Variants in CCDC88A observed in about 807,000 individuals in gnomAD.
The protein encoded by CCDC88A is girdin.
In CCDC88A, 54 loss-of-function variants were observed where a neutral mutation model predicts 234.3. The observed-to-expected ratio is 0.23, with a 90% CI of 0.19 to 0.29. CCDC88A has a LOEUF of 0.29. Ranked by LOEUF, CCDC88A falls within the 10% of genes least tolerant of loss-of-function variation. The probability of loss-of-function intolerance (pLI) is 1.00; values close to 1 mark genes in which losing one functional copy is unlikely to be tolerated. For missense variants in CCDC88A, 1,832 were observed against 2,123.4 expected (o/e 0.86, Z 2.70); for synonymous variants, 753 against 737.8 (o/e 1.02, Z -0.33).
At chr2:55,390,376 A>G (rs72927384) in intron 2 of CCDC88A, among the ~76,000 whole-genome samples, 9,846 of 152,244 alleles carry the variant, frequency 0.065, 1,012 homozygotes, top group African/African-American at 0.21. Flanking sequence ...CACTGCTTCA[A>G]CTATTTGCTT....
At chr2:55,333,710 T>G (rs569626079) in intron 15 of CCDC88A, among the ~76,000 whole-genome samples, 2 of 152,120 alleles carry the variant, frequency 1.3e-5, no homozygotes, top group African/African-American at 4.8e-5. Flanking sequence ...TTTATGTATA[T>G]ACAACTTATA....
chr2:55,303,083 T>A lies in CCDC88A; in HGVS notation c.4457A>T (p.Tyr1486Phe). ...PKDKDKMKAC[Y>F]RRSMSMNDLV... ...TAAAGTCTTACACATGGAACGACGG[T>A]AGCAGGCCTTCATTTTGTCTTTATC... The change falls in exon 26 of 33, where the codon TAC (tyrosine) becomes TTC (phenylalanine). Residue 1486 changes from tyrosine to phenylalanine, a missense_variant. Physicochemically the swap from Tyr to Phe is conservative, Grantham distance 22. This residue lies in a region of CCDC88A where 1,282 missense variants were observed against 1,543.6 expected (regional missense o/e 0.83). Transcript: ENST00000436346. 6.5e-7 allele frequency: 1 copy of A among 1,550,156 alleles called. No individual in the cohort carries two copies.
In CCDC88A at chr2:55,289,942, T is replaced by TTTAAAAA; in HGVS notation, c.*1257_*1258insTTTTTAA. The TTTAAAAA allele has an allele frequency of 6.6e-6, 1 of 152,540 alleles. No homozygotes were observed. Among genetic ancestry groups the TTTAAAAA allele is most frequent in the Non-Finnish European group, 1.5e-5 (1 of 67,970 alleles). 9.4% of individuals were successfully genotyped at this position (152,540 alleles called of 1,614,324 possible). ...AGTACACTGTTAAAATTTTAAAAAG[T>TTTAAAAA]CAGTATGTTTCTCATTTCAGACCTT... On this transcript the variant is annotated 3_prime_UTR_variant, in exon 33 of 33. Coordinates refer to ENST00000436346, the MANE Select transcript of CCDC88A (RefSeq NM_001365480.1).
intron 5 of CCDC88A, among the ~76,000 whole-genome samples, chr2:55,365,008 G>C (rs1219553963): frequency 6.6e-6 from 1 of 151,970 alleles, no homozygotes; most frequent in African/African-American, 2.4e-5. Flanking sequence ...AACTTATAAG[G>C]CTCTGATTTA....
rs1673008923 is a variant in CCDC88A, at chr2:55,372,617, G to T, written c.344-107C>A. On this transcript the variant is annotated intron_variant, in intron 4 of 32. Transcript: ENST00000436346. ...ATTATGCACAGTAACTTGAGTGAAG[G>T]ATTCAGTCTAAGCATATGTAGTGGA... 9 of 592,948 alleles carry T rather than the reference G, an allele frequency of 1.5e-5. No individual in the cohort carries two copies. The South Asian group carries it at 2.3e-4, about 15-fold the overall frequency. The allele number at this position is 592,948 out of a possible 1,614,324, so 36.7% of individuals were successfully genotyped here.
In CCDC88A at chr2:55,346,052, C is replaced by A. The variant is rs1574209576; in HGVS notation, c.1041+123G>T. 8 of 644,004 alleles carry A rather than the reference C, an allele frequency of 1.2e-5. No homozygotes were observed. The East Asian group carries it at 1.4e-4, about 11-fold the overall frequency. 39.9% of individuals were successfully genotyped at this position (644,004 alleles called of 1,614,324 possible). A position where few individuals can be genotyped will look rare whatever the true frequency, so the allele number is the denominator to read the frequency against. On this transcript the variant is annotated intron_variant, in intron 10 of 32. Coordinates refer to ENST00000436346, the MANE Select transcript of CCDC88A (RefSeq NM_001365480.1). Reference sequence around the variant, plus strand: ...GCTAATCTATCATAAAATAAACATACCCAAATGTATTTACTGTTTGTTCAC... The same window carrying A: ...GCTAATCTATCATAAAATAAACATAACCAAATGTATTTACTGTTTGTTCAC...
rs1465458737 is a variant in CCDC88A, at chr2:55,289,091, C to T, written c.*2109G>A. ...CAGCCTACTCAGATTCAGTACTTTACACGTTGTTTTCAGCATTTTCTGCTT... is the reference window on the plus strand; with the variant it reads ...CAGCCTACTCAGATTCAGTACTTTATACGTTGTTTTCAGCATTTTCTGCTT... On this transcript the variant is annotated 3_prime_UTR_variant, in exon 33 of 33. Coordinates refer to ENST00000436346, the MANE Select transcript of CCDC88A (RefSeq NM_001365480.1). 2.6e-5 allele frequency: 4 copies of T among 152,620 alleles called. No homozygotes were observed. Among genetic ancestry groups the T allele is most frequent in the Non-Finnish European group, 5.9e-5 (4 of 68,036 alleles). 9.5% of individuals were successfully genotyped at this position (152,620 alleles called of 1,614,324 possible). A position where few individuals can be genotyped will look rare whatever the true frequency, so the allele number is the denominator to read the frequency against.
intron 2 of CCDC88A, chr2:55,399,865 TA>T (rs1678316967): frequency 2.6e-5 from 4 of 152,088 alleles, no homozygotes; most frequent in African/African-American, 9.7e-5. Flanking sequence ...ATTTCTTCTA[TA>T]AAAAGAATGC....
At chr2:55,391,098 T>C (rs996661945) in intron 2 of CCDC88A, among the ~76,000 whole-genome samples, 3 of 152,198 alleles carry the variant, frequency 2.0e-5, no homozygotes, top group Non-Finnish European at 4.4e-5. Flanking sequence ...TAAACAATTC[T>C]CAGAGCTCAC....
chr2:55,396,988 G>A (rs1677715259), intron 2 of CCDC88A, among the ~76,000 whole-genome samples: 1 of 151,428 alleles, frequency 6.6e-6, no homozygotes, highest in East Asian at 1.9e-4. Context: ...GTTTTCACAT[G>A]AGTAATCAAA....
intron 2 of CCDC88A, among the ~76,000 whole-genome samples, chr2:55,409,962 A>G (rs186582605): frequency 6.6e-6 from 1 of 151,664 alleles, no homozygotes; most frequent in Non-Finnish European, 1.5e-5. Flanking sequence ...GCTGATCTTG[A>G]ACTCCTGACC....
At chr2:55,306,865 C>T (rs1471068937) in intron 25 of CCDC88A, among the ~76,000 whole-genome samples, 2 of 152,148 alleles carry the variant, frequency 1.3e-5, no homozygotes, top group Non-Finnish European at 2.9e-5. Flanking sequence ...CATGAGCCAC[C>T]GCGCCTGGCC....
Position 55,334,477 on chromosome 2 carries a change from A to C in CCDC88A, c.2344T>G (p.Leu782Val). The change falls in exon 15 of 33, where the codon TTA (leucine) becomes GTA (valine). Residue 782 changes from leucine to valine, a missense_variant. Leu to Val is a conservative substitution (Grantham distance 32). This residue lies in a region of CCDC88A where 1,282 missense variants were observed against 1,543.6 expected (regional missense o/e 0.83). Coordinates refer to ENST00000436346, the MANE Select transcript of CCDC88A (RefSeq NM_001365480.1). The surrounding 1 kb of genome is among the most constrained non-coding windows in gnomAD (Gnocchi z 6.1). ...TCTAAGTCTTGTAGTTCACTCTCTA[A>C]TTGCTGGATTTTTTTATTGCTGTTC... ...LENSNKKIQQ[L>V]ESELQDLEME... The C allele has an allele frequency of 6.2e-7, 1 of 1,604,954 alleles. No homozygotes were observed. Among genetic ancestry groups the C allele is most frequent in the East Asian group, 2.2e-5 (1 of 44,796 alleles).
In CCDC88A at chr2:55,343,812, T is replaced by G. The variant is rs1397020282; in HGVS notation, c.1189-20A>C. ...TCGTTCCTTTTTTATTGGCAAGGATTAGGGAGAGAAAAAAGCTAAGAAACA... is the reference window on the plus strand; with the variant it reads ...TCGTTCCTTTTTTATTGGCAAGGATGAGGGAGAGAAAAAAGCTAAGAAACA... On this transcript the variant is annotated intron_variant, in intron 11 of 32. Transcript: ENST00000436346. 6.4e-7 allele frequency: 1 copy of G among 1,571,144 alleles called. No individual in the cohort carries two copies. Among genetic ancestry groups the G allele is most frequent in the East Asian group, 2.3e-5 (1 of 44,120 alleles).
At chr2:55,307,359 ATTT>A (rs58399854) in intron 25 of CCDC88A, among the ~76,000 whole-genome samples, 1 of 140,522 alleles carries the variant, frequency 7.1e-6, no homozygotes, top group Non-Finnish European at 1.5e-5. Context: ...TCTTCACCTA[ATTT>A]TTTTTTTTTT....
At chr2:55,384,530 T>TATATACGTATATATGTGTATATATAC (rs371342949) in intron 3 of CCDC88A, among the ~76,000 whole-genome samples, 1 of 73,420 alleles carries the variant, frequency 1.4e-5, no homozygotes, top group African/African-American at 5.9e-5. Flanking sequence ...TATATATATA[T>TATATACGTATATATGTGTATATATAC]ACATATATAC....
intron 2 of CCDC88A, chr2:55,418,592 C>T (rs1007418454): frequency 1.8e-6 from 1 of 564,740 alleles, no homozygotes; most frequent in Non-Finnish European, 3.2e-6. Flanking sequence ...ACATGGTTGA[C>T]AGAATGAAAA....
rs757415434 is a variant in CCDC88A, at chr2:55,322,537, T to C, written c.3153A>G (p.Val1051=). 5 of 1,575,170 alleles carry C rather than the reference T, an allele frequency of 3.2e-6. No homozygotes were observed. Among genetic ancestry groups the C allele is most frequent in the Non-Finnish European group, 3.5e-6 (4 of 1,156,620 alleles). Residue 1051 remains valine, a synonymous_variant, in exon 18 of 33, where the codon GTA becomes GTG. Coordinates refer to ENST00000436346, the MANE Select transcript of CCDC88A (RefSeq NM_001365480.1). ...ATTTAAAAATACTTACATTTCTTTCTACTTCAATTAATCTGTCTTTAACTT... is the reference window on the plus strand; with the variant it reads ...ATTTAAAAATACTTACATTTCTTTCCACTTCAATTAATCTGTCTTTAACTT... ...LLKVKDRLIE[V]ERNNATLQAE...
chr2:55,317,863 TC>T lies in CCDC88A; in HGVS notation c.3325-23del. On this transcript the variant is annotated intron_variant, in intron 19 of 32. Coordinates refer to ENST00000436346, the MANE Select transcript of CCDC88A (RefSeq NM_001365480.1). This position sits in a 1 kb window ranked among gnomAD's most constrained non-coding sequence, Gnocchi z 4.2. ...CAACCTATAAGAATATATATTGTTATCAGACATAAGAAAAACAGTTCATGTT... is the reference window on the plus strand; with the variant it reads ...CAACCTATAAGAATATATATTGTTATAGACATAAGAAAAACAGTTCATGTT... 1.3e-6 allele frequency: 2 copies of T among 1,494,448 alleles called. No homozygotes were observed. Among genetic ancestry groups the T allele is most frequent in the Non-Finnish European group, 1.8e-6 (2 of 1,100,524 alleles). 92.6% of individuals were successfully genotyped at this position (1,494,448 alleles called of 1,614,324 possible).
Sources: gnomAD v4.1 joint callset for allele counts (sites outside exome capture counted in the v4.1 genomes callset) on GRCh38, gnomAD v4.1.1 for gene constraint, gnomAD v4.1.1 regional missense constraint, Gnocchi (gnomAD v3.1) non-coding constraint, MANE v1.5 for transcripts, NCBI Gene and HGNC (gene_info 2026-07-23, HGNC 2026-07-21) for gene names.